Variants in STT3A observed in about 807,000 individuals in gnomAD.
STT3A encodes the protein STT3 oligosaccharyltransferase complex catalytic subunit A, also known as dolichyl-diphosphooligosaccharide--protein glycosyltransferase subunit STT3A.
A neutral mutation model predicts 89.2 loss-of-function variants in STT3A; 34 were observed. The observed-to-expected ratio is 0.38, with a 90% CI of 0.29 to 0.51. The LOEUF is 0.51. STT3A is among the 20% of genes least tolerant of loss of function. The pLI is 0.89. For missense variants in STT3A, 555 were observed against 889.5 expected, an observed-to-expected ratio of 0.62 and a Z score of 4.78; for synonymous variants, 282 against 310.3, an observed-to-expected ratio of 0.91 and a Z score of 0.96.
intron 10 of STT3A, among the ~76,000 whole-genome samples, chr11:125,610,127 A>G (rs955992739): frequency 1.4e-5 from 2 of 143,188 alleles, no homozygotes; most frequent in Non-Finnish European, 3.0e-5. Flanking sequence ...CAGTGGTACA[A>G]TCTCAGCTTA....
chr11:125,605,552 G>A lies in STT3A; in HGVS notation c.509-77G>A, dbSNP rs1446422613. On this transcript the variant is annotated intron_variant, in intron 6 of 17. Coordinates refer to ENST00000392708, the MANE Select transcript of STT3A (RefSeq NM_152713.5). ...TATTACTTGGTAGTAGATCCAGGCA[G>A]TCTGTTCCAGAACAGTATTCTTAAT... The A allele has an allele frequency of 8.9e-6, 9 of 1,014,998 alleles. No individual in the cohort carries two copies. The East Asian group carries it at 2.3e-4, about 26-fold the overall frequency. 62.9% of individuals were successfully genotyped at this position (1,014,998 alleles called of 1,614,324 possible).
rs1437628466 is a variant in STT3A, at chr11:125,614,964, G to A, written c.1774+538G>A. On this transcript the variant is annotated intron_variant, in intron 15 of 17. Coordinates refer to ENST00000392708, the MANE Select transcript of STT3A (RefSeq NM_152713.5). This position sits in a 1 kb window ranked among gnomAD's most constrained non-coding sequence, Gnocchi z 4.9. ...TGCCTTAAAAGTTAATGTAATGCCT[G>A]TTTACACTTTAAAAAGTTAAGCAGT... Among the ~76,000 whole-genome samples, 1 of 152,076 alleles carries A rather than the reference G, an allele frequency of 6.6e-6. No homozygotes were observed. The highest frequency in any genetic ancestry group is 1.5e-5 in the Non-Finnish European group (1 of 68,026).
At chr11:125,610,057 CTTTTT>C (rs66578574) in intron 10 of STT3A, among the ~76,000 whole-genome samples, 5 of 106,034 alleles carry the variant, frequency 4.7e-5, no homozygotes, top group African/African-American at 6.8e-5. Flanking sequence ...TAACTTTTAC[CTTTTT>C]TTTTTTTTTT....
intron 15 of STT3A, among the ~76,000 whole-genome samples, chr11:125,617,532 T>C (rs1181154635): frequency 6.6e-6 from 1 of 152,230 alleles, no homozygotes; most frequent in Non-Finnish European, 1.5e-5. Flanking sequence ...GTGAAACATG[T>C]AGCAACTGAT....
At chr11:125,602,981 A>G (rs1349076289) in intron 5 of STT3A, 33 bp downstream of exon 5, 1 of 1,612,764 alleles carries the variant, frequency 6.2e-7, no homozygotes, top group Non-Finnish European at 8.5e-7. Context: ...AGGCTTGGGA[A>G]TGAATGTTAT....
intron 17 of STT3A, 75 bp from the exon 18 acceptor site, chr11:125,620,697 T>C: frequency 6.9e-7 from 1 of 1,439,576 alleles, no homozygotes; most frequent in South Asian, 1.2e-5. Context: ...CCACTCTGGG[T>C]GAATCCATTT....
chr11:125,592,541 A>T (rs1165922963), upstream of STT3A: 1 of 452,196 alleles, frequency 2.2e-6, no homozygotes, highest in Non-Finnish European at 4.4e-6. Flanking sequence ...GCGCCTTCCC[A>T]CTGCGACTCC....
rs570752366 is a variant in STT3A at position 125,604,217 on chromosome 11, C to T, written c.478C>T (p.Arg160Ter). The change falls in exon 6 of 18, where the codon CGA becomes TGA. Residue 160 changes from arginine to a stop codon, truncating the protein, a stop_gained. Transcript: ENST00000392708. LOFTEE classifies it high-confidence loss of function. ...MIAVVPGYISRSVAGSYDNEG... is the reference protein window; with the variant it reads ...MIAVVPGYIS ...TGCTGTAGTTCCTGGATATATCTCC[C>T]GATCTGTGGCTGGCTCCTATGATAA... 5 of 1,614,000 alleles carry T rather than the reference C, an allele frequency of 3.1e-6. No homozygotes were observed. The highest frequency in any genetic ancestry group is 2.2e-5 in the East Asian group (1 of 44,876).
chr11:125,594,373 A>G (rs1217263820), intron 1 of STT3A, among the ~76,000 whole-genome samples: 6 of 152,114 alleles, frequency 3.9e-5, no homozygotes, highest in Non-Finnish European at 5.9e-5. Context: ...TGAGGTCAAG[A>G]GATCCAGACC....
rs1042174283 is a variant in STT3A, at chr11:125,601,592, C to T, written c.150-711C>T. 2.0e-5 allele frequency among the ~76,000 whole-genome samples: 3 copies of T among 151,986 alleles called. No individual in the cohort carries two copies. In the East Asian group the frequency reaches 5.8e-4, roughly 30 times the overall value. ...GAGCCGAGATCGTGCCATTGTGCTCCAGCCTGGGCAACAAGAGCGAAACTC... is the reference window on the plus strand; with the variant it reads ...GAGCCGAGATCGTGCCATTGTGCTCTAGCCTGGGCAACAAGAGCGAAACTC... On this transcript the variant is annotated intron_variant, in intron 3 of 17. Coordinates refer to ENST00000392708, the MANE Select transcript of STT3A (RefSeq NM_152713.5).
rs111546077 is a variant in STT3A at position 125,613,560 on chromosome 11, T to C, written c.1554+383T>C. The C allele has an allele frequency of 9.3e-4, 158 of 170,270 alleles. No homozygotes were observed. Among genetic ancestry groups the C allele is most frequent in the African/African-American group, 3.7e-3 (154 of 41,962 alleles). 10.5% of individuals were successfully genotyped at this position (170,270 alleles called of 1,614,324 possible). Reference sequence around the variant, plus strand: ...AGTGATCACCTTATGATAACTGCTTTTAACATTTTAATTTATATCTTTTGA... The same window carrying C: ...AGTGATCACCTTATGATAACTGCTTCTAACATTTTAATTTATATCTTTTGA... On this transcript the variant is annotated intron_variant, in intron 13 of 17. Transcript: ENST00000392708. This position sits in a 1 kb window ranked among gnomAD's most constrained non-coding sequence, Gnocchi z 4.2.
In STT3A at chr11:125,612,731, AC is replaced by A; in HGVS notation, c.1352del (p.Pro451LeufsTer10). Reference protein sequence around the residue: ...KKSKKQQDSTYPIKNEVASGM... With the variant: ...KKSKKQQDSTXPIKNEVASGM... The stretch of plus-strand genomic sequence containing the variant: ...AGCAAGAAGCAACAGGATTCCACCT[AC>A]CCTATTAAGAATGAAGTGAGAAGCA... On this transcript the variant is annotated frameshift_variant, in exon 12 of 18. Transcript: ENST00000392708. LOFTEE classifies it high-confidence loss of function. 6 of 1,614,008 alleles carry A rather than the reference AC, an allele frequency of 3.7e-6. No homozygotes were observed. Among genetic ancestry groups the A allele is most frequent in the Non-Finnish European group, 4.2e-6 (5 of 1,179,948 alleles).
rs1940328237 is a variant in STT3A at position 125,620,869 on chromosome 11, GAT to G, written c.*60_*61del. ...AGCACATCACATTTAGGACGTTGAAGATTTTTTTTTTTTTTTTTTTTTAATAT... is the reference window on the plus strand; with the variant it reads ...AGCACATCACATTTAGGACGTTGAAGTTTTTTTTTTTTTTTTTTTTAATAT... On this transcript the variant is annotated 3_prime_UTR_variant, in exon 18 of 18. Coordinates refer to ENST00000392708, the MANE Select transcript of STT3A (RefSeq NM_152713.5). The G allele has an allele frequency of 9.3e-4, 782 of 841,002 alleles. 5 individuals are homozygous for G. The highest frequency in any genetic ancestry group is 3.5e-3 in the Middle Eastern group (9 of 2,596). 52.1% of individuals were successfully genotyped at this position (841,002 alleles called of 1,614,324 possible).
At chr11:125,604,033 A>T in intron 5 of STT3A, 124 bp from the exon 6 acceptor site, 1 of 973,598 alleles carries the variant, frequency 1.0e-6, no homozygotes, top group Non-Finnish European at 1.5e-6. Flanking sequence ...AACATCTCAC[A>T]TCTACCTTCG....
At chr11:125,595,763 C>T (rs1306171689) in intron 1 of STT3A, 118 bp from the exon 2 acceptor site, 1 of 609,864 alleles carries the variant, frequency 1.6e-6, no homozygotes, top group Non-Finnish European at 2.9e-6. Flanking sequence ...TAGCCTTGAC[C>T]CTGTCTGGTG....
intron 9 of STT3A, among the ~76,000 whole-genome samples, chr11:125,608,622 G>A (rs1939909345): frequency 6.6e-6 from 1 of 152,216 alleles, no homozygotes; most frequent in South Asian, 2.1e-4. Flanking sequence ...CACTGCACCC[G>A]GTCAGGCTTA....
chr11:125,599,559 C>T (rs995529398), intron 3 of STT3A, among the ~76,000 whole-genome samples: 9 of 151,792 alleles, frequency 5.9e-5, no homozygotes, highest in African/African-American at 1.7e-4. Context: ...TACAGGCACG[C>T]GCCACCATGC....
At position 125,613,298 on chromosome 11, in the gene STT3A, C is replaced by A; in HGVS notation, c.1554+121C>A. Reference sequence around the variant, plus strand: ...GCTGGGTGAAACTGGAACTTTGCAACTCTAGTCTTGAATGAGCCTTAAAGG... The same window carrying A: ...GCTGGGTGAAACTGGAACTTTGCAAATCTAGTCTTGAATGAGCCTTAAAGG... On this transcript the variant is annotated intron_variant, in intron 13 of 17. Coordinates refer to ENST00000392708, the MANE Select transcript of STT3A (RefSeq NM_152713.5). This position sits in a 1 kb window ranked among gnomAD's most constrained non-coding sequence, Gnocchi z 4.2. 9.2e-7 allele frequency: 1 copy of A among 1,082,426 alleles called. No individual in the cohort carries two copies. The highest frequency in any genetic ancestry group is 3.1e-4 in the Middle Eastern group (1 of 3,248). 67.1% of individuals were successfully genotyped at this position (1,082,426 alleles called of 1,614,324 possible).
chr11:125,620,211 C>A (rs1314532156), intron 17 of STT3A, 85 bp downstream of exon 17: 3 of 1,068,164 alleles, frequency 2.8e-6, no homozygotes, highest in Non-Finnish European at 2.7e-6. Context: ...ATATATTTCT[C>A]AAATAGGGAA....
Sources: gnomAD v4.1 joint callset for allele counts (sites outside exome capture counted in the v4.1 genomes callset) on GRCh38, gnomAD v4.1.1 for gene constraint, Gnocchi (gnomAD v3.1) non-coding constraint, MANE v1.5 for transcripts, NCBI Gene and HGNC (gene_info 2026-07-23, HGNC 2026-07-21) for gene names.